OR1B1: variants seen among roughly 807,000 people sequenced by gnomAD.
The protein encoded by OR1B1 is olfactory receptor 1B1.
For synonymous variants in OR1B1, 168 were observed against 156.2 expected (o/e 1.08, Z -0.57); for missense variants, 414 against 402.1 (o/e 1.03, Z -0.25).
chr9:122,636,148 A>G, the OR1B1 span, among the ~76,000 whole-genome samples: 2 of 152,198 alleles, frequency 1.3e-5, no homozygotes, highest in Non-Finnish European at 2.9e-5. Context: ...TTCTACTTGG[A>G]GACTTCACCA....
upstream of OR1B1, among the ~76,000 whole-genome samples, chr9:122,629,994 A>G (rs1830189956): frequency 6.6e-6 from 1 of 152,240 alleles, no homozygotes; most frequent in Non-Finnish European, 1.5e-5. Context: ...ACATACCATT[A>G]AAACACATAC....
At chr9:122,628,522 G>C, downstream of OR1B1, 1 of 1,188,594 alleles carries the variant, frequency 8.4e-7, no homozygotes, top group East Asian at 2.4e-5. Flanking sequence ...AACCAACTCT[G>C]CTCAGAATAT....
At chr9:122,653,783 A>G in the OR1B1 span, among the ~76,000 whole-genome samples, 2 of 152,276 alleles carry the variant, frequency 1.3e-5, no homozygotes, top group Non-Finnish European at 2.9e-5. Context: ...ATATTATTCA[A>G]CCTGCTTACA....
chr9:122,644,598 C>T, the OR1B1 span, among the ~76,000 whole-genome samples: 1 of 152,176 alleles, frequency 6.6e-6, no homozygotes, highest in African/African-American at 2.4e-5. Flanking sequence ...GTGTTGGCAT[C>T]ACCACATCCC....
the OR1B1 span, among the ~76,000 whole-genome samples, chr9:122,650,797 G>T: frequency 6.6e-6 from 1 of 152,258 alleles, no homozygotes; most frequent in Non-Finnish European, 1.5e-5. Flanking sequence ...GCTGAGGTGG[G>T]CGGATCACGA....
chr9:122,642,150 A>G, the OR1B1 span, among the ~76,000 whole-genome samples: 6 of 152,130 alleles, frequency 3.9e-5, no homozygotes, highest in Non-Finnish European at 7.3e-5. Flanking sequence ...TGGGAACAGA[A>G]AGGAGAAAGG....
At chr9:122,656,509 C>A in the OR1B1 span, among the ~76,000 whole-genome samples, 1,460 of 152,138 alleles carry the variant, frequency 9.6e-3, 28 homozygotes, top group African/African-American at 0.034. Flanking sequence ...ATGAGTCTGA[C>A]CCAACTTCCT....
the OR1B1 span, among the ~76,000 whole-genome samples, chr9:122,639,338 C>A: frequency 6.6e-6 from 1 of 152,064 alleles, no homozygotes; most frequent in East Asian, 1.9e-4. Context: ...GTGGACATAT[C>A]TTTAGATCTC....
At chr9:122,641,786 G>A in the OR1B1 span, among the ~76,000 whole-genome samples, 31,980 of 152,064 alleles carry the variant, frequency 0.21, 3,631 homozygotes, top group East Asian at 0.39. Context: ...GATAATGCAC[G>A]TGTTAATTAG....
At chr9:122,641,715 T>C in the OR1B1 span, among the ~76,000 whole-genome samples, 1 of 152,150 alleles carries the variant, frequency 6.6e-6, no homozygotes, top group Non-Finnish European at 1.5e-5. Context: ...ATCAACAATA[T>C]AGCCTTGAAA....
chr9:122,647,540 AAAT>A, the OR1B1 span, among the ~76,000 whole-genome samples: 15 of 152,258 alleles, frequency 9.9e-5, no homozygotes, highest in Admixed American at 9.8e-4. Flanking sequence ...AGAGGAAAAA[AAAT>A]AATAAAGATA....
At chr9:122,645,517 A>T in the OR1B1 span, among the ~76,000 whole-genome samples, 6 of 152,196 alleles carry the variant, frequency 3.9e-5, no homozygotes, top group African/African-American at 1.4e-4. Flanking sequence ...CCAAGGATAA[A>T]AAAAGGATCC....
the OR1B1 span, among the ~76,000 whole-genome samples, chr9:122,653,908 A>G: frequency 6.6e-6 from 1 of 152,202 alleles, no homozygotes; most frequent in Non-Finnish European, 1.5e-5. Flanking sequence ...TTTATAATTT[A>G]GTTTCCATCA....
the OR1B1 span, among the ~76,000 whole-genome samples, chr9:122,642,973 T>C: frequency 6.6e-6 from 1 of 152,222 alleles, no homozygotes; most frequent in South Asian, 2.1e-4. Flanking sequence ...GTGTCGGATA[T>C]AGTGCCTGGC....
At chr9:122,657,604 A>G in the OR1B1 span, among the ~76,000 whole-genome samples, 4 of 152,340 alleles carry the variant, frequency 2.6e-5, no homozygotes, top group Admixed American at 2.6e-4. Flanking sequence ...ACGGAACACA[A>G]AAACATAGCA....
chr9:122,650,985 A>C, the OR1B1 span, among the ~76,000 whole-genome samples: 1 of 152,036 alleles, frequency 6.6e-6, no homozygotes, highest in African/African-American at 2.4e-5. Flanking sequence ...AGATCGCGCT[A>C]CTGCACTCCA....
At chr9:122,633,276 C>G (rs897211960), upstream of OR1B1, among the ~76,000 whole-genome samples, 1 of 152,294 alleles carries the variant, frequency 6.6e-6, no homozygotes. Flanking sequence ...GGACCCTTAT[C>G]TCACACCATT....
the OR1B1 span, chr9:122,639,741 A>G: frequency 6.7e-6 from 1 of 149,452 alleles, no homozygotes; most frequent in Non-Finnish European, 1.5e-5. Flanking sequence ...TATATATTGA[A>G]TCTATCAAAT....
At chr9:122,655,459 A>C in the OR1B1 span, among the ~76,000 whole-genome samples, 1 of 152,188 alleles carries the variant, frequency 6.6e-6, no homozygotes, top group Non-Finnish European at 1.5e-5. Context: ...AGATTGGATA[A>C]AGAAAATGTG....
Sources: allele counts gnomAD v4.1 joint callset (sites outside exome capture counted in the v4.1 genomes callset), GRCh38; gene constraint gnomAD v4.1.1; transcripts MANE v1.5; gene names NCBI Gene and HGNC (gene_info 2026-07-23, HGNC 2026-07-21).